The following CLIC5 variants were observed in gnomAD, a reference collection of about 807,000 sequenced individuals.
The protein encoded by CLIC5 is CLIC family member 5, also known as chloride intracellular channel protein 5.
CLIC5 carries 20 observed loss-of-function variants against 24.7 expected under a neutral mutation model. The observed-to-expected ratio is 0.81, with a 90% CI of 0.57 to 1.18. The LOEUF is 1.18. Ranked by LOEUF, CLIC5 falls within the 50% of genes most tolerant of loss-of-function variation. CLIC5 has a pLI of 0.00. For missense variants in CLIC5, 341 were observed against 326.1 expected, an observed-to-expected ratio of 1.05 and a Z score of -0.35; for synonymous variants, 159 against 135.6, an observed-to-expected ratio of 1.17 and a Z score of -1.20.
At chr6:46,052,611 AT>A (rs1399539346) in intron 1 of CLIC5, among the ~76,000 whole-genome samples, 1 of 152,174 alleles carries the variant, frequency 6.6e-6, no homozygotes, top group Non-Finnish European at 1.5e-5. Context: ...GAGTTGGCCC[AT>A]CCCACAGTGG....
At chr6:46,017,203 T>C (rs1237110757), upstream of CLIC5, among the ~76,000 whole-genome samples, 1 of 152,172 alleles carries the variant, frequency 6.6e-6, no homozygotes, top group African/African-American at 2.4e-5. Flanking sequence ...CAGAATCTGG[T>C]GGAATTCTCT....
chr6:45,891,832 T>A (rs1047892121), intron 6 of CLIC5, among the ~76,000 whole-genome samples: 9 of 152,216 alleles, frequency 5.9e-5, no homozygotes, highest in Admixed American at 5.9e-4. Flanking sequence ...TTACTGTGTA[T>A]GTGTTTTCCT....
chr6:46,042,831 T>A (rs1399287829), intron 1 of CLIC5, among the ~76,000 whole-genome samples: 1 of 152,094 alleles, frequency 6.6e-6, no homozygotes, highest in Non-Finnish European at 1.5e-5. Flanking sequence ...CTGCTAACCA[T>A]TGGCAATAGA....
chr6:46,011,934 G>T (rs1454524454), intron 1 of CLIC5, among the ~76,000 whole-genome samples: 2 of 152,188 alleles, frequency 1.3e-5, no homozygotes, highest in East Asian at 3.8e-4. Flanking sequence ...GGGACGTGCA[G>T]GTCCAGAAAG....
the CLIC5 span, among the ~76,000 whole-genome samples, chr6:46,104,935 A>G: frequency 6.6e-6 from 1 of 152,192 alleles, no homozygotes; most frequent in Non-Finnish European, 1.5e-5. Context: ...CCATGCCTTC[A>G]TTCCTGCAGC....
intron 1 of CLIC5, among the ~76,000 whole-genome samples, chr6:46,029,804 T>C (rs1414891053): frequency 6.6e-6 from 1 of 152,144 alleles, no homozygotes; most frequent in Non-Finnish European, 1.5e-5. Context: ...GGAAGGAAAG[T>C]TTAACAACTG....
rs1289288663 is a variant in CLIC5 at position 45,890,199 on chromosome 6, T to C, written c.624-9011A>G. On this transcript the variant is annotated intron_variant, in intron 6 of 6. Transcript: ENST00000644324. ...TAATCTGTGGTTTGTGTCTTCATTTTATTGTTTCATTTGCTGTGCAGAAGC... is the reference window on the plus strand; with the variant it reads ...TAATCTGTGGTTTGTGTCTTCATTTCATTGTTTCATTTGCTGTGCAGAAGC... Among the ~76,000 whole-genome samples, 3 of 152,238 alleles carry C rather than the reference T, an allele frequency of 2.0e-5. No individual in the cohort carries two copies. In the East Asian group the frequency reaches 5.8e-4, roughly 29 times the overall value.
chr6:45,928,920 A>C (rs1187001047), intron 4 of CLIC5, among the ~76,000 whole-genome samples: 1 of 152,140 alleles, frequency 6.6e-6, no homozygotes, highest in Non-Finnish European at 1.5e-5. Context: ...CTCATGTGCA[A>C]ATCAGTTATT....
rs1762505122 is a variant in CLIC5, at chr6:45,901,279, C to G, written c.*1809G>C. 1 of 152,142 alleles carries G rather than the reference C, an allele frequency of 6.6e-6. No homozygotes were observed. Among genetic ancestry groups the G allele is most frequent in the South Asian group, 2.1e-4 (1 of 4,830 alleles). The allele number at this position is 152,142 out of a possible 1,614,324, so 9.4% of individuals were successfully genotyped here. On this transcript the variant is annotated 3_prime_UTR_variant, in exon 6 of 6. Coordinates refer to ENST00000339561, the MANE Select transcript of CLIC5 (RefSeq NM_016929.5). Reference sequence around the variant, plus strand: ...CTTTTGAGGTGGAAATGAATCAACTCATTCCGCCTTTTCAAAGCTTTCTCA... The same window carrying G: ...CTTTTGAGGTGGAAATGAATCAACTGATTCCGCCTTTTCAAAGCTTTCTCA...
intron 1 of CLIC5, chr6:46,014,646 C>CA (rs1766930453): frequency 6.6e-6 from 1 of 152,260 alleles, no homozygotes; most frequent in African/African-American, 2.4e-5. Context: ...AAGGGCTGAT[C>CA]AAATGTTTCT....
At chr6:46,077,449 G>A (rs1762803331) in intron 1 of CLIC5, among the ~76,000 whole-genome samples, 1 of 151,940 alleles carries the variant, frequency 6.6e-6, no homozygotes. Context: ...TCCAGTGTGG[G>A]GGACCAACAT....
At chr6:45,954,832 A>G (rs931172715) in intron 2 of CLIC5, among the ~76,000 whole-genome samples, 1 of 152,164 alleles carries the variant, frequency 6.6e-6, no homozygotes, top group Non-Finnish European at 1.5e-5. Context: ...GACTAATCCT[A>G]TGTTTTTAGA....
chr6:45,966,395 A>C (rs1581800717), intron 1 of CLIC5, among the ~76,000 whole-genome samples: 1 of 151,676 alleles, frequency 6.6e-6, no homozygotes, highest in Non-Finnish European at 1.5e-5. Context: ...GGGCTCAGAC[A>C]TCAGAATTCT....
chr6:46,120,057 C>A, the CLIC5 span, among the ~76,000 whole-genome samples: 5 of 152,204 alleles, frequency 3.3e-5, no homozygotes, highest in African/African-American at 1.2e-4. Flanking sequence ...ACTTAAATGT[C>A]CCTGTCTAAC....
intron 1 of CLIC5, among the ~76,000 whole-genome samples, chr6:46,024,421 G>A (rs1365124546): frequency 6.6e-6 from 1 of 152,128 alleles, no homozygotes; most frequent in Non-Finnish European, 1.5e-5. Context: ...CAGAAATTTA[G>A]AAGACCATTT....
intron 1 of CLIC5, among the ~76,000 whole-genome samples, chr6:46,026,903 G>C (rs568917340): frequency 1.3e-5 from 2 of 152,142 alleles, no homozygotes; most frequent in East Asian, 3.8e-4. Context: ...ACCAGAAGAC[G>C]AGATAACCAG....
chr6:46,057,773 C>T (rs181853402), intron 1 of CLIC5, among the ~76,000 whole-genome samples: 2 of 152,304 alleles, frequency 1.3e-5, no homozygotes, highest in East Asian at 1.9e-4. Context: ...TGTGGTACAA[C>T]CTACACAATT....
chr6:46,032,588 A>T (rs778981807), intron 1 of CLIC5, among the ~76,000 whole-genome samples: 4 of 152,226 alleles, frequency 2.6e-5, no homozygotes, highest in Admixed American at 6.5e-5. Context: ...CCCTCAGGCT[A>T]TGTGTGCTGC....
the CLIC5 span, among the ~76,000 whole-genome samples, chr6:46,104,546 AGGGGGATTT>A: frequency 8.7e-5 from 13 of 149,430 alleles, no homozygotes; most frequent in African/African-American, 3.2e-4. Context: ...ATTTTGGGGG[AGGGGGATTT>A]GGGGGATTGC....
Sources: allele counts gnomAD v4.1 joint callset (sites outside exome capture counted in the v4.1 genomes callset), GRCh38; gene constraint gnomAD v4.1.1; transcripts MANE v1.5; gene names NCBI Gene and HGNC (gene_info 2026-07-23, HGNC 2026-07-21).